The following SRPK2 variants were observed in gnomAD, a reference collection of about 807,000 sequenced individuals.
The protein encoded by SRPK2 is SRSF protein kinase 2, also known as SFRS protein kinase 2.
Under a neutral mutation model 90.8 loss-of-function variants are expected in SRPK2, and 21 were observed. That is an observed-to-expected ratio of 0.23 (90% CI 0.16 to 0.33). The LOEUF is 0.33. SRPK2 is among the 10% of genes least tolerant of loss of function. The pLI, the probability that SRPK2 is intolerant of heterozygous loss-of-function variation, is 1.00. For synonymous variants in SRPK2, 288 were observed against 311.1 expected (o/e 0.93, Z 0.78); for missense variants, 620 against 869.0 (o/e 0.71, Z 3.60).
chr7:105,288,177 A>G (rs1808422881), intron 2 of SRPK2, among the ~76,000 whole-genome samples: 1 of 152,214 alleles, frequency 6.6e-6, no homozygotes, highest in Non-Finnish European at 1.5e-5. Context: ...TGGCATTCTA[A>G]AGAGACTAGC....
intron 2 of SRPK2, among the ~76,000 whole-genome samples, chr7:105,247,039 C>T (rs1801761281): frequency 6.6e-6 from 1 of 152,188 alleles, no homozygotes; most frequent in African/African-American, 2.4e-5. Flanking sequence ...CATTCACATT[C>T]AGTCTTCTGT....
chr7:105,195,090 C>G (rs1794753831), intron 3 of SRPK2, among the ~76,000 whole-genome samples: 1 of 152,216 alleles, frequency 6.6e-6, no homozygotes, highest in African/African-American at 2.4e-5. Context: ...CGTTCTATCG[C>G]CCAGGCTGGA....
intron 11 of SRPK2, among the ~76,000 whole-genome samples, chr7:105,138,220 A>G (rs1803177312): frequency 6.6e-6 from 1 of 152,242 alleles, no homozygotes; most frequent in South Asian, 2.1e-4. Context: ...ATAAATATTT[A>G]TCTTAGCACT....
intron 2 of SRPK2, among the ~76,000 whole-genome samples, chr7:105,317,408 C>G (rs1812431230): frequency 6.6e-6 from 1 of 152,196 alleles, no homozygotes; most frequent in Admixed American, 6.5e-5. Flanking sequence ...GGGAAGTATT[C>G]CTGCTACCAA....
At chr7:105,312,475 T>C (rs1811829741) in intron 2 of SRPK2, among the ~76,000 whole-genome samples, 1 of 146,756 alleles carries the variant, frequency 6.8e-6, no homozygotes, top group African/African-American at 2.5e-5. Flanking sequence ...TAGATGAACC[T>C]TGAAAACATT....
At chr7:105,284,404 T>C (rs554366536) in intron 2 of SRPK2, among the ~76,000 whole-genome samples, 1 of 152,324 alleles carries the variant, frequency 6.6e-6, no homozygotes, top group South Asian at 2.1e-4. Context: ...TGGTAAGAAA[T>C]GAAGCCAGAG....
chr7:105,383,020 T>C (rs1461314878), intron 2 of SRPK2, among the ~76,000 whole-genome samples: 1 of 151,570 alleles, frequency 6.6e-6, no homozygotes, highest in African/African-American at 2.4e-5. Context: ...TTTTGCAAGG[T>C]CTTGTGAGTC....
intron 2 of SRPK2, among the ~76,000 whole-genome samples, chr7:105,378,282 G>T (rs1820540536): frequency 6.6e-6 from 1 of 152,046 alleles, no homozygotes; most frequent in Non-Finnish European, 1.5e-5. Flanking sequence ...ATTACAAAAT[G>T]ATATCCATAA....
chr7:105,392,494 G>A (rs58438680), upstream of SRPK2, among the ~76,000 whole-genome samples: 4,325 of 152,264 alleles, frequency 0.028, 216 homozygotes, highest in African/African-American at 0.1. Flanking sequence ...TTACCACACT[G>A]GTTGTAGAAC....
chr7:105,162,551 T>G (rs1476038470), intron 6 of SRPK2, among the ~76,000 whole-genome samples: 2 of 152,204 alleles, frequency 1.3e-5, no homozygotes, highest in Non-Finnish European at 2.9e-5. Context: ...GAATATGCTA[T>G]ATTAAAACAA....
intron 2 of SRPK2, among the ~76,000 whole-genome samples, chr7:105,361,507 G>A (rs887027492): frequency 2.0e-5 from 3 of 152,108 alleles, no homozygotes; most frequent in East Asian, 1.9e-4. Flanking sequence ...AAAAGAGCAC[G>A]CACTGCCAAG....
intron 13 of SRPK2, among the ~76,000 whole-genome samples, chr7:105,127,722 A>C (rs897747772): frequency 2.8e-5 from 1 of 35,786 alleles, no homozygotes; most frequent in Non-Finnish European, 7.9e-5. Context: ...GCATGTAGGG[A>C]ACACATTTCC....
At chr7:105,197,891 G>A (rs545872110) in intron 3 of SRPK2, among the ~76,000 whole-genome samples, 1 of 152,308 alleles carries the variant, frequency 6.6e-6, no homozygotes, top group South Asian at 2.1e-4. Flanking sequence ...AATGATTTAA[G>A]AGAGCAACAA....
intron 2 of SRPK2, among the ~76,000 whole-genome samples, chr7:105,206,915 A>G (rs1450581659): frequency 3.3e-5 from 5 of 152,216 alleles, no homozygotes; most frequent in Non-Finnish European, 5.9e-5. Flanking sequence ...GCCATAAGTG[A>G]TGATTATCTT....
intron 3 of SRPK2, among the ~76,000 whole-genome samples, chr7:105,173,128 T>A (rs1452319527): frequency 2.6e-5 from 4 of 151,964 alleles, no homozygotes; most frequent in East Asian, 1.9e-4. Context: ...ATTTTTTTTT[T>A]AAAGAGATGC....
At chr7:105,153,129 C>G (rs150125465) in intron 7 of SRPK2, among the ~76,000 whole-genome samples, 18 of 152,236 alleles carry the variant, frequency 1.2e-4, no homozygotes, top group Non-Finnish European at 1.9e-4. Context: ...TAAGCCCAGA[C>G]GAGCCAGGGA....
chr7:105,384,721 G>C lies in SRPK2; in HGVS notation c.71+3927C>G, dbSNP rs117621069. 4.7e-3 allele frequency among the ~76,000 whole-genome samples: 713 copies of C among 152,108 alleles called. 11 individuals are homozygous for C. In the East Asian group the frequency reaches 0.055, roughly 12 times the overall value. ...CCTGTCAGAGCTGTCTGTAAAATTC[G>C]GGGTACCCTGAAAATACTAGTCTCC... On this transcript the variant is annotated intron_variant, in intron 2 of 15. Transcript: ENST00000393651.
At chr7:105,305,248 T>C (rs942120669) in intron 2 of SRPK2, among the ~76,000 whole-genome samples, 1 of 152,160 alleles carries the variant, frequency 6.6e-6, no homozygotes, top group African/African-American at 2.4e-5. Flanking sequence ...AAGGCCAGCC[T>C]GACCCACATA....
intron 2 of SRPK2, among the ~76,000 whole-genome samples, chr7:105,212,715 G>A (rs1338012647): frequency 6.6e-6 from 1 of 152,066 alleles, no homozygotes; most frequent in African/African-American, 2.4e-5. Context: ...ATAAAAGCAA[G>A]AAGAAAGAAA....
Sources: allele counts gnomAD v4.1 joint callset (sites outside exome capture counted in the v4.1 genomes callset), GRCh38; gene constraint gnomAD v4.1.1; transcripts MANE v1.5; gene names NCBI Gene and HGNC (gene_info 2026-07-23, HGNC 2026-07-21).